Variants in MPHOSPH8 observed in about 807,000 individuals in gnomAD.
The protein encoded by MPHOSPH8 is M-phase phosphoprotein 8.
A neutral mutation model predicts 87.3 loss-of-function variants in MPHOSPH8; 45 were observed. That is an observed-to-expected ratio of 0.52 (90% CI 0.41 to 0.66). The LOEUF is 0.66. Among genes scored for constraint, MPHOSPH8 ranks in the 30% least tolerant of loss-of-function variants. MPHOSPH8 has a pLI of 0.00. For synonymous variants in MPHOSPH8, 366 were observed against 376.9 expected, an observed-to-expected ratio of 0.97 and a Z score of 0.33; for missense variants, 883 against 1,020.2, an observed-to-expected ratio of 0.87 and a Z score of 1.83.
At position 19,633,721 on chromosome 13, in the gene MPHOSPH8, T is replaced by A; in HGVS notation, c.-28T>A. On this transcript the variant is annotated 5_prime_UTR_variant, in exon 1 of 14. Transcript: ENST00000361479. ...GCTGGGGTGTTTGTCGCAGCGGGTTTTCCTCGGCGGTTTGCGGAGCTGCTA... is the reference window on the plus strand; with the variant it reads ...GCTGGGGTGTTTGTCGCAGCGGGTTATCCTCGGCGGTTTGCGGAGCTGCTA... The A allele has an allele frequency of 2.6e-6, 4 of 1,565,654 alleles. No homozygotes were observed. Among genetic ancestry groups the A allele is most frequent in the Non-Finnish European group, 3.5e-6 (4 of 1,155,206 alleles).
intron 12 of MPHOSPH8, 63 bp downstream of exon 12, chr13:19,670,426 T>TA: frequency 1.3e-6 from 2 of 1,525,090 alleles, no homozygotes; most frequent in South Asian, 1.2e-5. Flanking sequence ...ACAGATGACT[T>TA]AATTTTAAAT....
intron 6 of MPHOSPH8, 29 bp downstream of exon 6, chr13:19,659,149 C>T: frequency 1.2e-6 from 2 of 1,611,154 alleles, no homozygotes; most frequent in Non-Finnish European, 1.7e-6. Flanking sequence ...ATTGAAATCC[C>T]TTTCACAAAT....
intron 10 of MPHOSPH8, 35 bp from the exon 11 acceptor site, chr13:19,668,342 C>T (rs745355503): frequency 1.3e-6 from 2 of 1,590,324 alleles, no homozygotes; most frequent in African/African-American, 2.7e-5. Flanking sequence ...TTCTTTTCTA[C>T]ATTAACGTTA....
rs765978914 is a variant in MPHOSPH8, at chr13:19,633,955, C to T, written c.207C>T (p.Thr69=). Reference sequence around the variant, plus strand: ...TGGAGAAGATCCTGGACATGAAGACCGAGGGGGTATGTGGAGGGGCCCCGG... The same window carrying T: ...TGGAGAAGATCCTGGACATGAAGACTGAGGGGGTATGTGGAGGGGCCCCGG... ...FEVEKILDMK[T]EGGKVLYKVR... is the part of the protein sequence containing the mutation. Residue 69 remains threonine (T), a synonymous_variant, in exon 1 of 14, where the codon ACC becomes ACT. Transcript: ENST00000361479. 65 of 1,607,042 alleles carry T rather than the reference C, an allele frequency of 4.0e-5. No individual in the cohort carries two copies. The highest frequency in any genetic ancestry group is 1.6e-4 in the Middle Eastern group (1 of 6,074).
At chr13:19,652,724 G>A (rs1298608955) in intron 5 of MPHOSPH8, among the ~76,000 whole-genome samples, 1 of 152,144 alleles carries the variant, frequency 6.6e-6, no homozygotes, top group Admixed American at 6.5e-5. Flanking sequence ...AGATCAATCT[G>A]GGCCACTTGA....
intron 1 of MPHOSPH8, among the ~76,000 whole-genome samples, chr13:19,640,762 G>T (rs1301107974): frequency 6.6e-6 from 1 of 151,988 alleles, no homozygotes; most frequent in East Asian, 1.9e-4. Flanking sequence ...GATACACAGG[G>T]ATATTACAGC....
intron 11 of MPHOSPH8, among the ~76,000 whole-genome samples, chr13:19,669,751 C>G (rs980516560): frequency 3.3e-5 from 5 of 152,102 alleles, no homozygotes; most frequent in South Asian, 2.1e-4. Flanking sequence ...CTCAAGTGAT[C>G]TGCCTGCCTC....
intron 9 of MPHOSPH8, 151 bp downstream of exon 9, chr13:19,663,277 AG>A: frequency 1.4e-6 from 1 of 706,130 alleles, no homozygotes; most frequent in East Asian, 2.5e-5. Context: ...GAGAAGGAGA[AG>A]CGGGCTGGCA....
intron 2 of MPHOSPH8, among the ~76,000 whole-genome samples, chr13:19,645,583 C>T (rs1457041030): frequency 6.6e-6 from 1 of 152,038 alleles, no homozygotes; most frequent in Non-Finnish European, 1.5e-5. Context: ...TGATGAAACC[C>T]TGTCTTTACT....
intron 7 of MPHOSPH8, chr13:19,660,959 A>G (rs951333975): frequency 1.0e-6 from 1 of 984,960 alleles, no homozygotes; most frequent in African/African-American, 1.7e-5. Context: ...ACAAAACAAA[A>G]AGAAGATACA....
intron 1 of MPHOSPH8, among the ~76,000 whole-genome samples, chr13:19,638,694 T>C (rs1329485187): frequency 6.6e-6 from 1 of 152,164 alleles, no homozygotes; most frequent in Non-Finnish European, 1.5e-5. Flanking sequence ...GTACTTGATC[T>C]TTCTACACAG....
In MPHOSPH8 at chr13:19,672,868, G is replaced by A; in HGVS notation, c.*993G>A. The A allele has an allele frequency of 2.9e-6, 1 of 346,196 alleles. No homozygotes were observed. Among genetic ancestry groups the A allele is most frequent in the East Asian group, 7.3e-5 (1 of 13,636 alleles). 21.4% of individuals were successfully genotyped at this position (346,196 alleles called of 1,614,324 possible). A position where few individuals can be genotyped will look rare whatever the true frequency, so the allele number is the denominator to read the frequency against. On this transcript the variant is annotated 3_prime_UTR_variant, in exon 14 of 14. Transcript: ENST00000361479. ...TAATCCCAGCGCTTTGGAGGCTGAG[G>A]TTGGAGGATTGCTTAAGTCCAGGAG...
intron 5 of MPHOSPH8, among the ~76,000 whole-genome samples, chr13:19,651,645 G>T (rs1486688479): frequency 6.6e-6 from 1 of 152,022 alleles, no homozygotes; most frequent in Non-Finnish European, 1.5e-5. Context: ...ATTATGCTAA[G>T]ATTGTACCTG....
At chr13:19,662,605 G>T (rs1410559440) in intron 8 of MPHOSPH8, among the ~76,000 whole-genome samples, 1 of 152,138 alleles carries the variant, frequency 6.6e-6, no homozygotes, top group Non-Finnish European at 1.5e-5. Flanking sequence ...ATCATCAGTA[G>T]TACATTGTAA....
intron 1 of MPHOSPH8, among the ~76,000 whole-genome samples, chr13:19,635,045 A>G (rs1298184171): frequency 6.6e-6 from 1 of 152,176 alleles, no homozygotes; most frequent in Non-Finnish European, 1.5e-5. Context: ...TCCTATGAGG[A>G]GTTAAGTAAT....
chr13:19,657,369 T>C (rs922383962), intron 5 of MPHOSPH8, among the ~76,000 whole-genome samples: 1 of 151,324 alleles, frequency 6.6e-6, no homozygotes, highest in Admixed American at 6.6e-5. Context: ...ATACAAAAAT[T>C]AGCCAGGCAG....
At chr13:19,641,669 G>GT (rs968112996) in intron 1 of MPHOSPH8, among the ~76,000 whole-genome samples, 1 of 151,576 alleles carries the variant, frequency 6.6e-6, no homozygotes, top group Non-Finnish European at 1.5e-5. Context: ...ATTTTTTTGT[G>GT]TTTTTTAGTA....
intron 9 of MPHOSPH8, among the ~76,000 whole-genome samples, chr13:19,665,093 G>A (rs898192956): frequency 1.3e-5 from 2 of 152,098 alleles, no homozygotes; most frequent in Non-Finnish European, 2.9e-5. Flanking sequence ...GAGTTGGGGA[G>A]TGGGGTGCAG....
At chr13:19,640,702 T>C (rs1278169339) in intron 1 of MPHOSPH8, among the ~76,000 whole-genome samples, 2 of 152,160 alleles carry the variant, frequency 1.3e-5, no homozygotes, top group African/African-American at 2.4e-5. Context: ...TAGGTTTTTT[T>C]TACCCCATTG....
Sources: allele counts gnomAD v4.1 joint callset (sites outside exome capture counted in the v4.1 genomes callset), GRCh38; gene constraint gnomAD v4.1.1; transcripts MANE v1.5; gene names NCBI Gene and HGNC (gene_info 2026-07-23, HGNC 2026-07-21).